Variants in JAG1 observed in about 807,000 individuals in gnomAD.
JAG1 encodes protein jagged-1.
A neutral mutation model predicts 148.7 loss-of-function variants in JAG1; 23 were observed. The ratio of observed to expected loss-of-function variants is 0.15; its 90% confidence interval spans 0.11 to 0.22. JAG1 has a LOEUF of 0.22. JAG1 is among the 10% of genes least tolerant of loss of function. The probability of loss-of-function intolerance (pLI) is 1.00; values close to 1 mark genes in which losing one functional copy is unlikely to be tolerated. For synonymous variants in JAG1, 572 were observed against 598.3 expected, an observed-to-expected ratio of 0.96 and a Z score of 0.64; for missense variants, 1,054 against 1,611.2, an observed-to-expected ratio of 0.65 and a Z score of 5.92.
At chr20:10,640,633 T>TAA (rs1444354317) in intron 25 of JAG1, 150 bp downstream of exon 25, 1 of 784,158 alleles carries the variant, frequency 1.3e-6, no homozygotes, top group South Asian at 1.5e-5. Flanking sequence ...GTGACCTTAG[T>TAA]AAAGTAGGCT....
At chr20:10,665,893 C>A (rs374758300) in intron 2 of JAG1, among the ~76,000 whole-genome samples, 1 of 152,142 alleles carries the variant, frequency 6.6e-6, no homozygotes, top group African/African-American at 2.4e-5. Flanking sequence ...AGAACTTGGA[C>A]GACCAAGCAG....
At chr20:10,661,263 C>G (rs1291154921) in intron 3 of JAG1, among the ~76,000 whole-genome samples, 2 of 152,172 alleles carry the variant, frequency 1.3e-5, no homozygotes, top group Non-Finnish European at 2.9e-5. Flanking sequence ...AAGGAATTCT[C>G]TGCCCTAAAA....
rs1441131512 is a variant in JAG1 at position 10,664,023 on chromosome 20, CAA to C, written c.388-11_388-10del. 6.2e-7 allele frequency: 1 copy of C among 1,612,606 alleles called. No homozygotes were observed. Among genetic ancestry groups the C allele is most frequent in the Non-Finnish European group, 8.5e-7 (1 of 1,178,780 alleles). ...AGCAACGTATAGGACCTCTGCAAGA[CAA>C]ACAAACAATTTAGCAATTCAGAAAC... is the stretch of plus-strand genomic sequence containing the variant. On this transcript the variant is annotated splice_polypyrimidine_tract_variant and intron_variant, in intron 2 of 25. Transcript: ENST00000254958.
At chr20:10,648,977 G>T in intron 11 of JAG1, 84 bp downstream of exon 11, 1 of 1,183,846 alleles carries the variant, frequency 8.4e-7, no homozygotes, top group African/African-American at 1.5e-5. Context: ...AAATCTCACA[G>T]GGACAGAGCT....
chr20:10,660,666 T>C (rs1289006917), intron 3 of JAG1, among the ~76,000 whole-genome samples: 1 of 152,176 alleles, frequency 6.6e-6, no homozygotes, highest in African/African-American at 2.4e-5. Context: ...AGTGGAGCTA[T>C]GGAGCTGCAT....
At chr20:10,644,314 A>ACG (rs762983483) in intron 19 of JAG1, 43 bp downstream of exon 19, 7 of 1,445,514 alleles carry the variant, frequency 4.8e-6, no homozygotes, top group Non-Finnish European at 6.8e-6. Context: ...ACACACACAC[A>ACG]CGATAGTGGA....
Position 10,647,873 on chromosome 20 carries a change from T to C in JAG1, c.1720+87A>G, listed in dbSNP as rs892794726. 3 of 1,408,376 alleles carry C rather than the reference T, an allele frequency of 2.1e-6. No homozygotes were observed. The African/African-American group carries it at 4.2e-5, about 20-fold the overall frequency. The allele number at this position is 1,408,376 out of a possible 1,614,324, so 87.2% of individuals were successfully genotyped here. A position where few individuals can be genotyped will look rare whatever the true frequency, so the allele number is the denominator to read the frequency against. On this transcript the variant is annotated intron_variant, in intron 13 of 25. Coordinates refer to ENST00000254958, the MANE Select transcript of JAG1 (RefSeq NM_000214.3). ...AGGTCCTCCTCACCAATACATTACT[T>C]CTCAAGTGTAACAAGGGGCAGTGGT... is the stretch of plus-strand genomic sequence containing the variant.
Position 10,643,750 on chromosome 20 carries a change from G to A in JAG1, c.2458+28C>T, listed in dbSNP as rs77308315. ...CATGGAATGAAGCGGTAAAGCCATT[G>A]GGAAAACCAGACGGAGACAGTCCTT... On this transcript the variant is annotated intron_variant, in intron 20 of 25. Coordinates refer to ENST00000254958, the MANE Select transcript of JAG1 (RefSeq NM_000214.3). The A allele has an allele frequency of 6.0e-3, 9,564 of 1,590,156 alleles. 41 individuals are homozygous for A. Among genetic ancestry groups the A allele is most frequent in the Non-Finnish European group, 7.6e-3 (8,830 of 1,158,490 alleles).
At chr20:10,659,912 G>A (rs1408357385) in intron 3 of JAG1, among the ~76,000 whole-genome samples, 13 of 152,168 alleles carry the variant, frequency 8.5e-5, no homozygotes, top group Admixed American at 7.9e-4. Flanking sequence ...TCAGGTGCCA[G>A]CAGTTCAGGG....
chr20:10,671,653 C>G (rs916482423), intron 2 of JAG1, among the ~76,000 whole-genome samples: 1 of 152,144 alleles, frequency 6.6e-6, no homozygotes, highest in Non-Finnish European at 1.5e-5. Context: ...ACAGGCTAGG[C>G]CAAGCCCCAG....
At chr20:10,664,242 C>T (rs546028645) in intron 2 of JAG1, among the ~76,000 whole-genome samples, 36 of 152,266 alleles carry the variant, frequency 2.4e-4, no homozygotes, top group African/African-American at 7.0e-4. Flanking sequence ...CTGGCAGGGA[C>T]GCACTGGAGT....
chr20:10,649,466 C>A, intron 10 of JAG1, 56 bp downstream of exon 10: 1 of 1,099,650 alleles, frequency 9.1e-7, no homozygotes, highest in South Asian at 1.3e-5. Flanking sequence ...CAGTACGGAC[C>A]AGCAAGTCGG....
In JAG1 at chr20:10,656,447, G is replaced by T; in HGVS notation, c.706C>A (p.Gln236Lys). The change falls in exon 5 of 26, where the codon CAA (glutamine) becomes AAA (lysine). Residue 236 changes from glutamine (Q) to lysine (K), a missense_variant. By Grantham distance (53) the Gln-to-Lys change is moderately conservative. Around this residue, in one of 6 missense-constraint regions of JAG1, gnomAD observed 104 missense variants for 235.2 expected, o/e 0.44. Transcript: ENST00000254958. ...GACCCATGCTTAGGACTGCAGCCTT[G>T]TCGGCAAATAGCTGTAAAAAACAGA... ...GPECNRAICRQGCSPKHGSCK... is the reference protein window; with the variant it reads ...GPECNRAICRKGCSPKHGSCK... 6.2e-7 allele frequency: 1 copy of T among 1,613,936 alleles called. No homozygotes were observed.
At position 10,658,740 on chromosome 20, in the gene JAG1, A is replaced by G; in HGVS notation, c.440-18T>C. 6.2e-7 allele frequency: 1 copy of G among 1,613,880 alleles called. No individual in the cohort carries two copies. Among genetic ancestry groups the G allele is most frequent in the Non-Finnish European group, 8.5e-7 (1 of 1,179,782 alleles). On this transcript the variant is annotated intron_variant, in intron 3 of 25. Coordinates refer to ENST00000254958, the MANE Select transcript of JAG1 (RefSeq NM_000214.3). ...GTCAGGTTCTAGAGACAAAGTGATG[A>G]ATCATGTTAATATTCACATTGCAGC... is the stretch of plus-strand genomic sequence containing the variant.
In JAG1 at chr20:10,642,958, C is replaced by T. The variant is rs1011977639; in HGVS notation, c.2459-357G>A. Among the ~76,000 whole-genome samples the T allele has an allele frequency of 3.9e-5, 6 of 152,318 alleles. No homozygotes were observed. The East Asian group carries it at 1.2e-3, about 29-fold the overall frequency. ...GTATATAGTCTCTGTCACAACTATC[C>T]AACTCTTGTGGTATCATGAAAGTAG... On this transcript the variant is annotated intron_variant, in intron 20 of 25. Transcript: ENST00000254958.
intron 2 of JAG1, among the ~76,000 whole-genome samples, chr20:10,669,118 C>T (rs2067477548): frequency 6.6e-6 from 1 of 152,152 alleles, no homozygotes; most frequent in Non-Finnish European, 1.5e-5. Context: ...TCTTTCAAAG[C>T]AAGCACAGCT....
chr20:10,650,563 A>T, intron 8 of JAG1: 1 of 572,390 alleles, frequency 1.7e-6, no homozygotes, highest in Non-Finnish European at 3.2e-6. Context: ...GCCCCAGTTC[A>T]TGTAATCCCC....
Position 10,645,292 on chromosome 20 carries a change from C to T in JAG1, c.2114-36G>A, listed in dbSNP as rs1451926230. 1 of 1,605,988 alleles carries T rather than the reference C, an allele frequency of 6.2e-7. No individual in the cohort carries two copies. Among genetic ancestry groups the T allele is most frequent in the Non-Finnish European group, 8.5e-7 (1 of 1,172,680 alleles). ...ATATTTCAGTGTGAGTCCCAGTGGC[C>T]CCCTCCCACAGAAGACAGAGGGAAG... On this transcript the variant is annotated intron_variant, in intron 16 of 25. Coordinates refer to ENST00000254958, the MANE Select transcript of JAG1 (RefSeq NM_000214.3). The surrounding 1 kb of genome is among the most constrained non-coding windows in gnomAD (Gnocchi z 6.1).
intron 20 of JAG1, 132 bp from the exon 21 acceptor site, chr20:10,642,733 T>A: frequency 1.4e-6 from 1 of 710,488 alleles, no homozygotes; most frequent in Admixed American, 2.0e-5. Flanking sequence ...GTAAGCAGCA[T>A]CCAAAAGAAG....
Sources: gnomAD v4.1 joint callset for allele counts (sites outside exome capture counted in the v4.1 genomes callset) on GRCh38, gnomAD v4.1.1 for gene constraint, gnomAD v4.1.1 regional missense constraint, Gnocchi (gnomAD v3.1) non-coding constraint, MANE v1.5 for transcripts, NCBI Gene and HGNC (gene_info 2026-07-23, HGNC 2026-07-21) for gene names.